ACTR3B: variants seen among roughly 807,000 people sequenced by gnomAD.
The protein encoded by ACTR3B is actin-related protein 3B.
A neutral mutation model predicts 59.0 loss-of-function variants in ACTR3B; 8 were observed. That is an observed-to-expected ratio of 0.14 (90% CI 0.08 to 0.24). The LOEUF is 0.24. Among genes scored for constraint, ACTR3B ranks in the 10% least tolerant of loss-of-function variants. The probability of loss-of-function intolerance (pLI) is 1.00; values close to 1 mark genes in which losing one functional copy is unlikely to be tolerated. For synonymous variants in ACTR3B, 148 were observed against 197.9 expected, an observed-to-expected ratio of 0.75 and a Z score of 2.12; for missense variants, 245 against 552.3, an observed-to-expected ratio of 0.44 and a Z score of 5.58.
intron 9 of ACTR3B, among the ~76,000 whole-genome samples, chr7:152,838,820 C>A: frequency 6.6e-6 from 1 of 152,136 alleles, no homozygotes; most frequent in East Asian, 1.9e-4. Flanking sequence ...GCCAGGGTTC[C>A]ACTTCACTGC....
At chr7:152,765,453 G>T (rs1029575576) in intron 1 of ACTR3B, among the ~76,000 whole-genome samples, 4 of 135,776 alleles carry the variant, frequency 2.9e-5, no homozygotes, top group Non-Finnish European at 3.1e-5. Context: ...TCCACATATT[G>T]TGAGATGCAT....
chr7:152,778,943 C>CAAAAAAAAAAAAAAAAAAA (rs59789390), intron 1 of ACTR3B, among the ~76,000 whole-genome samples: 2 of 36,798 alleles, frequency 5.4e-5, no homozygotes, highest in Non-Finnish European at 8.8e-5. Context: ...ACTGTGTCTC[C>CAAAAAAAAAAAAAAAAAAA]AAAAAAAAAA....
intron 9 of ACTR3B, among the ~76,000 whole-genome samples, chr7:152,836,340 G>A (rs1481931812): frequency 1.3e-5 from 2 of 151,920 alleles, no homozygotes; most frequent in East Asian, 3.9e-4. Flanking sequence ...TCACGCCTCT[G>A]TAATCCCATC....
intron 1 of ACTR3B, among the ~76,000 whole-genome samples, chr7:152,775,746 C>T (rs111533855): frequency 3.4e-5 from 5 of 146,896 alleles, no homozygotes; most frequent in African/African-American, 1.0e-4. Context: ...GCAACAAGAG[C>T]GAAACTCCGT....
intron 9 of ACTR3B, among the ~76,000 whole-genome samples, chr7:152,831,092 T>C (rs923904784): frequency 3.3e-5 from 5 of 152,198 alleles, no homozygotes. Context: ...ACACTAATAT[T>C]CCTCATAACT....
chr7:152,853,682 G>A (rs1192720369), intron 11 of ACTR3B, 105 bp downstream of exon 11: 3 of 978,632 alleles, frequency 3.1e-6, no homozygotes, highest in African/African-American at 1.6e-5. Context: ...CTAATCGTGT[G>A]GCTCTAAACA....
chr7:152,837,031 C>G (rs1797515517), intron 9 of ACTR3B, among the ~76,000 whole-genome samples: 1 of 152,172 alleles, frequency 6.6e-6, no homozygotes, highest in Non-Finnish European at 1.5e-5. Context: ...AAAAAATTAG[C>G]TGGATATGGT....
intron 9 of ACTR3B, among the ~76,000 whole-genome samples, chr7:152,832,526 C>T (rs1376462245): frequency 6.6e-6 from 1 of 152,132 alleles, no homozygotes; most frequent in Non-Finnish European, 1.5e-5. Context: ...AGAAACAGAA[C>T]CAATAGCGGG....
At chr7:152,762,479 ATAT>A (rs1417926071) in intron 1 of ACTR3B, among the ~76,000 whole-genome samples, 3 of 152,350 alleles carry the variant, frequency 2.0e-5, no homozygotes, top group South Asian at 2.1e-4. Flanking sequence ...ATGTCCATAC[ATAT>A]TATTATTACT....
intron 4 of ACTR3B, among the ~76,000 whole-genome samples, chr7:152,805,517 T>C (rs1405092688): frequency 6.6e-6 from 1 of 152,214 alleles, no homozygotes; most frequent in Non-Finnish European, 1.5e-5. Context: ...TACGAATACA[T>C]GATTATCTTG....
At position 152,768,696 on chromosome 7, in the gene ACTR3B, G is replaced by A. The variant is rs536141203; in HGVS notation, c.44+8770G>A. ...CCACCATGTTGGCCAGGCTGGTCTC[G>A]AACCCCTGACCTCAGGTGAGCCACC... On this transcript the variant is annotated intron_variant, in intron 1 of 11. Coordinates refer to ENST00000256001, the MANE Select transcript of ACTR3B (RefSeq NM_020445.6). Among the ~76,000 whole-genome samples the A allele has an allele frequency of 2.9e-3, 435 of 152,068 alleles. 3 individuals are homozygous for A. The highest frequency in any genetic ancestry group is 1.0e-2 in the African/African-American group (413 of 41,452).
intron 2 of ACTR3B, chr7:152,786,410 C>A: frequency 4.3e-6 from 1 of 231,294 alleles, no homozygotes; most frequent in South Asian, 3.8e-5. Context: ...AAAATTAACC[C>A]GGGATGGTGG....
chr7:152,794,561 C>G lies in ACTR3B; in HGVS notation c.101-5970C>G, dbSNP rs563458263. On this transcript the variant is annotated intron_variant, in intron 2 of 11. Transcript: ENST00000256001. ...TGACTTGACAGTTTAATTCTGGATT[C>G]ACACACAATTAAGTTTGATCTTGCC... Among the ~76,000 whole-genome samples the G allele has an allele frequency of 2.8e-3, 426 of 152,316 alleles. 3 individuals carry two copies. Among genetic ancestry groups the G allele is most frequent in the African/African-American group, 9.8e-3 (407 of 41,558 alleles).
intron 4 of ACTR3B, among the ~76,000 whole-genome samples, chr7:152,807,575 T>G (rs1295449335): frequency 1.3e-5 from 2 of 152,270 alleles, no homozygotes; most frequent in African/African-American, 4.8e-5. Context: ...TAGTAATTTA[T>G]TAGTCTCTGC....
intron 2 of ACTR3B, among the ~76,000 whole-genome samples, chr7:152,784,412 T>G (rs2098164793): frequency 6.6e-6 from 1 of 152,160 alleles, no homozygotes; most frequent in African/African-American, 2.4e-5. Context: ...GAAAGCGGAC[T>G]CCAGATTCTT....
chr7:152,815,171 A>G (rs1271575098), intron 5 of ACTR3B, among the ~76,000 whole-genome samples: 2 of 151,898 alleles, frequency 1.3e-5, no homozygotes, highest in African/African-American at 4.8e-5. Flanking sequence ...TTGGGGAATA[A>G]ATGAGATGGG....
chr7:152,819,187 G>T (rs990146253), intron 6 of ACTR3B, among the ~76,000 whole-genome samples: 1 of 152,172 alleles, frequency 6.6e-6, no homozygotes, highest in African/African-American at 2.4e-5. Flanking sequence ...CTGCAGAAAG[G>T]CTACTTTTTT....
At chr7:152,829,674 C>G (rs1202804004) in intron 9 of ACTR3B, among the ~76,000 whole-genome samples, 4 of 152,200 alleles carry the variant, frequency 2.6e-5, no homozygotes, top group South Asian at 4.1e-4. Context: ...CTGGGAGATT[C>G]TGATGTAATT....
At chr7:152,819,602 G>A (rs571571564) in intron 6 of ACTR3B, among the ~76,000 whole-genome samples, 61 of 152,302 alleles carry the variant, frequency 4.0e-4, no homozygotes, top group South Asian at 2.3e-3. Flanking sequence ...GCCATTGATC[G>A]GCCCAGGGCG....
Sources: allele counts gnomAD v4.1 joint callset (sites outside exome capture counted in the v4.1 genomes callset), GRCh38; gene constraint gnomAD v4.1.1; transcripts MANE v1.5; gene names NCBI Gene and HGNC (gene_info 2026-07-23, HGNC 2026-07-21).